Variants in NKAIN3 observed in about 807,000 individuals in gnomAD.
The protein encoded by NKAIN3 is sodium/potassium-transporting ATPase subunit beta-1-interacting protein 3.
Under a neutral mutation model 30.2 loss-of-function variants are expected in NKAIN3, and 25 were observed. The ratio of observed to expected loss-of-function variants is 0.83; its 90% CI spans 0.60 to 1.16. The LOEUF (loss-of-function observed/expected upper bound fraction) is 1.16, where lower values mean the gene tolerates loss of function less well. Ranked by LOEUF, NKAIN3 falls within the 50% of genes most tolerant of loss-of-function variation. The probability of loss-of-function intolerance (pLI) is 0.00; values close to 1 mark genes in which losing one functional copy is unlikely to be tolerated. For missense variants in NKAIN3, 225 were observed against 254.1 expected (o/e 0.89, Z 0.78); for synonymous variants, 91 against 89.6 (o/e 1.02, Z -0.09).
At chr8:62,992,846 C>T (rs971011050) in intron 5 of NKAIN3, among the ~76,000 whole-genome samples, 4 of 152,206 alleles carry the variant, frequency 2.6e-5, no homozygotes, top group African/African-American at 4.8e-5. Flanking sequence ...AGCTGCATAA[C>T]GAAGTTGAAT....
chr8:62,841,195 T>G (rs796545999), intron 4 of NKAIN3, among the ~76,000 whole-genome samples: 1 of 152,182 alleles, frequency 6.6e-6, no homozygotes, highest in African/African-American at 2.4e-5. Context: ...TGATAAATTA[T>G]AATAATCATA....
chr8:62,832,914 A>G (rs896501272), intron 4 of NKAIN3, among the ~76,000 whole-genome samples: 3 of 152,082 alleles, frequency 2.0e-5, no homozygotes, highest in African/African-American at 4.8e-5. Flanking sequence ...CACACAAAAC[A>G]TACTCCATAA....
At chr8:62,938,914 C>T (rs1395600174) in intron 5 of NKAIN3, among the ~76,000 whole-genome samples, 1 of 152,024 alleles carries the variant, frequency 6.6e-6, no homozygotes, top group Non-Finnish European at 1.5e-5. Context: ...TATCTGTATG[C>T]CAGAAAAATA....
At chr8:62,303,743 A>G (rs984120142) in intron 1 of NKAIN3, among the ~76,000 whole-genome samples, 1 of 150,654 alleles carries the variant, frequency 6.6e-6, no homozygotes, top group Non-Finnish European at 1.5e-5. Flanking sequence ...TAATTTAAAA[A>G]AGTGCATATT....
At chr8:62,263,921 G>T (rs573530131) in intron 1 of NKAIN3, among the ~76,000 whole-genome samples, 31 of 152,230 alleles carry the variant, frequency 2.0e-4, no homozygotes, top group Non-Finnish European at 2.4e-4. Context: ...GATCTAAACA[G>T]TAATAAACTA....
intron 5 of NKAIN3, among the ~76,000 whole-genome samples, chr8:62,947,477 G>A (rs751530540): frequency 2.7e-4 from 41 of 152,138 alleles, no homozygotes; most frequent in Non-Finnish European, 5.0e-4. Flanking sequence ...GTTACTATTA[G>A]TGTTAGCCAT....
chr8:62,467,053 T>C (rs1806185857), intron 1 of NKAIN3, among the ~76,000 whole-genome samples: 1 of 152,092 alleles, frequency 6.6e-6, no homozygotes, highest in Admixed American at 6.6e-5. Flanking sequence ...ACCTCTCACC[T>C]CACTTCTTTT....
chr8:62,807,427 CAT>C (rs1440190722), intron 4 of NKAIN3, among the ~76,000 whole-genome samples: 1 of 152,042 alleles, frequency 6.6e-6, no homozygotes, highest in Non-Finnish European at 1.5e-5. Flanking sequence ...ATTTTTCACT[CAT>C]TATCAGTTTT....
chr8:62,852,886 T>C (rs1819951681), intron 4 of NKAIN3, among the ~76,000 whole-genome samples: 1 of 152,178 alleles, frequency 6.6e-6, no homozygotes, highest in South Asian at 2.1e-4. Context: ...ATGTGGTCAG[T>C]TTTGGAATAA....
intron 4 of NKAIN3, among the ~76,000 whole-genome samples, chr8:62,810,385 A>T (rs1433387459): frequency 2.0e-5 from 3 of 152,096 alleles, no homozygotes; most frequent in Non-Finnish European, 2.9e-5. Context: ...TGTTTTATTT[A>T]TGGTGTGCAA....
intron 1 of NKAIN3, among the ~76,000 whole-genome samples, chr8:62,289,662 G>A (rs981913207): frequency 6.6e-6 from 1 of 152,154 alleles, no homozygotes; most frequent in Non-Finnish European, 1.5e-5. Flanking sequence ...AGTATAGTTT[G>A]AAGTCAGGTA....
At chr8:62,332,252 A>G (rs990226665) in intron 1 of NKAIN3, among the ~76,000 whole-genome samples, 13 of 152,146 alleles carry the variant, frequency 8.5e-5, no homozygotes, top group African/African-American at 2.9e-4. Flanking sequence ...ATGTTTTAAC[A>G]GCAAATGCTT....
At chr8:62,626,770 A>G (rs1303066982) in intron 3 of NKAIN3, among the ~76,000 whole-genome samples, 1 of 152,162 alleles carries the variant, frequency 6.6e-6, no homozygotes, top group Non-Finnish European at 1.5e-5. Context: ...AGCACACCTT[A>G]AACGAAACAG....
At chr8:62,883,298 T>C (rs1213998616) in intron 4 of NKAIN3, among the ~76,000 whole-genome samples, 2 of 152,114 alleles carry the variant, frequency 1.3e-5, no homozygotes, top group Non-Finnish European at 2.9e-5. Flanking sequence ...TATACCTAAG[T>C]ATTTCATTTT....
chr8:62,961,876 AT>A (rs1317193738), intron 6 of NKAIN3, among the ~76,000 whole-genome samples: 1 of 152,200 alleles, frequency 6.6e-6, no homozygotes, highest in Non-Finnish European at 1.5e-5. Context: ...AAGAAATTTC[AT>A]TATAAATTAC....
intron 4 of NKAIN3, among the ~76,000 whole-genome samples, chr8:62,887,903 T>C (rs1452818875): frequency 6.6e-6 from 1 of 152,238 alleles, no homozygotes; most frequent in African/African-American, 2.4e-5. Context: ...CCTTTGTCTC[T>C]TCAAACTAAG....
chr8:62,716,151 C>T (rs1157321462), intron 3 of NKAIN3, among the ~76,000 whole-genome samples: 1 of 152,004 alleles, frequency 6.6e-6, no homozygotes, highest in Non-Finnish European at 1.5e-5. Flanking sequence ...CCTCCTGTAG[C>T]TGCACAGTCA....
intron 1 of NKAIN3, among the ~76,000 whole-genome samples, chr8:62,309,158 T>C (rs1814348835): frequency 6.6e-6 from 1 of 150,696 alleles, no homozygotes; most frequent in South Asian, 2.1e-4. Context: ...ATGGTGCTCA[T>C]TTGCATTTTA....
chr8:62,870,596 AACATAT>A (rs1418988876), intron 4 of NKAIN3, among the ~76,000 whole-genome samples: 23 of 139,674 alleles, frequency 1.6e-4, no homozygotes, highest in Admixed American at 2.9e-4. Flanking sequence ...ATATATATAC[AACATAT>A]ACATATACAA....
Sources: allele counts gnomAD v4.1 joint callset (sites outside exome capture counted in the v4.1 genomes callset), GRCh38; gene constraint gnomAD v4.1.1; transcripts MANE v1.5; gene names NCBI Gene and HGNC (gene_info 2026-07-23, HGNC 2026-07-21).